The following PEPD variants were observed in gnomAD, a reference collection of about 807,000 sequenced individuals.
PEPD encodes the protein xaa-Pro dipeptidase.
In PEPD, 53 loss-of-function variants were observed where a neutral mutation model predicts 60.7. The observed-to-expected ratio is 0.87, with a 90% CI of 0.70 to 1.10. PEPD has a LOEUF of 1.10. Ranked by LOEUF, PEPD falls within the 50% of genes least tolerant of loss-of-function variation. The probability of loss-of-function intolerance (pLI) is 0.00; values close to 1 mark genes in which losing one functional copy is unlikely to be tolerated. For missense variants in PEPD, 711 were observed against 711.9 expected, an observed-to-expected ratio of 1.00 and a Z score of 0.01; for synonymous variants, 267 against 284.1, an observed-to-expected ratio of 0.94 and a Z score of 0.60.
At chr19:33,410,500 G>C (rs1968739014) in intron 11 of PEPD, among the ~76,000 whole-genome samples, 1 of 152,232 alleles carries the variant, frequency 6.6e-6, no homozygotes, top group Non-Finnish European at 1.5e-5. Flanking sequence ...GGGGACTCTG[G>C]GGGGTGGGCT....
intron 6 of PEPD, among the ~76,000 whole-genome samples, chr19:33,485,285 GGA>G (rs1464219311): frequency 6.6e-6 from 1 of 152,124 alleles, no homozygotes; most frequent in Non-Finnish European, 1.5e-5. Flanking sequence ...CCTAAGGTCA[GGA>G]GCTCGAGACC....
chr19:33,511,987 C>T (rs985984395), intron 2 of PEPD, among the ~76,000 whole-genome samples: 7 of 152,148 alleles, frequency 4.6e-5, no homozygotes, highest in African/African-American at 1.4e-4. Context: ...AGGGAAGCCA[C>T]GCCTTCCCAT....
Position 33,517,095 on chromosome 19 carries a change from C to T in PEPD, c.18-4319G>A, listed in dbSNP as rs529457409. Among the ~76,000 whole-genome samples, 12 of 152,254 alleles carry T rather than the reference C, an allele frequency of 7.9e-5. 1 individual carries two copies. Among genetic ancestry groups the T allele is most frequent in the Non-Finnish European group, 8.8e-5 (6 of 68,006 alleles). On this transcript the variant is annotated intron_variant, in intron 1 of 14. Coordinates refer to ENST00000244137, the MANE Select transcript of PEPD (RefSeq NM_000285.4). ...ACCCGGGAGGCTAAGGCAGGAGGAA[C>T]GCTTGAGCACTGGAGGCGGAGACTA...
chr19:33,441,884 GCA>G (rs1969485470), intron 9 of PEPD, among the ~76,000 whole-genome samples: 3 of 152,228 alleles, frequency 2.0e-5, no homozygotes, highest in Admixed American at 2.0e-4. Context: ...GAACTTCTCT[GCA>G]AGACAACTGT....
chr19:33,519,548 CACTT>C (rs1292254528), intron 1 of PEPD, among the ~76,000 whole-genome samples: 4 of 152,232 alleles, frequency 2.6e-5, no homozygotes, highest in Non-Finnish European at 5.9e-5. Flanking sequence ...GCGGGAAACA[CACTT>C]AATCATTCTG....
intron 6 of PEPD, among the ~76,000 whole-genome samples, chr19:33,480,944 T>C (rs1970303887): frequency 6.6e-6 from 1 of 152,100 alleles, no homozygotes; most frequent in Non-Finnish European, 1.5e-5. Flanking sequence ...ACACTTTATG[T>C]TAGGTCACAA....
chr19:33,470,749 T>C (rs1406979248), intron 7 of PEPD, among the ~76,000 whole-genome samples: 1 of 152,144 alleles, frequency 6.6e-6, no homozygotes, highest in African/African-American at 2.4e-5. Flanking sequence ...GATGGCCTCA[T>C]TTCAAAGAGA....
At chr19:33,453,387 T>A (rs1476755494) in intron 9 of PEPD, among the ~76,000 whole-genome samples, 1 of 152,036 alleles carries the variant, frequency 6.6e-6, no homozygotes. Context: ...TGGATGTCCA[T>A]CTGCTCCATG....
At chr19:33,460,155 C>G (rs895947635) in intron 9 of PEPD, among the ~76,000 whole-genome samples, 1 of 152,154 alleles carries the variant, frequency 6.6e-6, no homozygotes, top group Admixed American at 6.5e-5. Context: ...TCTCAAGTTC[C>G]CAGTGACACA....
chr19:33,519,806 C>T (rs536880976), intron 1 of PEPD, among the ~76,000 whole-genome samples: 2 of 152,318 alleles, frequency 1.3e-5, no homozygotes, highest in African/African-American at 4.8e-5. Flanking sequence ...TGGCTCACAC[C>T]TGTAATCCTA....
At chr19:33,462,079 C>T (rs1454862245) in intron 9 of PEPD, among the ~76,000 whole-genome samples, 1 of 152,262 alleles carries the variant, frequency 6.6e-6, no homozygotes, top group Non-Finnish European at 1.5e-5. Context: ...CTCGGCCCTG[C>T]ACCCCACTGA....
intron 9 of PEPD, among the ~76,000 whole-genome samples, chr19:33,421,115 G>A (rs1969008223): frequency 6.6e-6 from 1 of 152,188 alleles, no homozygotes; most frequent in African/African-American, 2.4e-5. Flanking sequence ...GAGCGTTCGG[G>A]TTGTTTCCAG....
intron 9 of PEPD, among the ~76,000 whole-genome samples, chr19:33,433,973 C>A (rs985574615): frequency 2.7e-5 from 3 of 110,124 alleles, no homozygotes; most frequent in Non-Finnish European, 5.4e-5. Flanking sequence ...GATGACATCT[C>A]ACAAACGTGC....
chr19:33,450,016 C>T (rs936851224), intron 9 of PEPD, among the ~76,000 whole-genome samples: 2 of 152,248 alleles, frequency 1.3e-5, no homozygotes, highest in Non-Finnish European at 2.9e-5. Context: ...GGCCTGTCCA[C>T]TGTGTGCAGA....
chr19:33,488,815 T>C (rs1260611807), intron 6 of PEPD, among the ~76,000 whole-genome samples: 1 of 152,128 alleles, frequency 6.6e-6, no homozygotes, highest in Non-Finnish European at 1.5e-5. Flanking sequence ...TACATAATTA[T>C]AAGGCGGTTC....
chr19:33,484,896 C>T, intron 6 of PEPD, among the ~76,000 whole-genome samples: 1 of 152,196 alleles, frequency 6.6e-6, no homozygotes, highest in East Asian at 1.9e-4. Context: ...TTTTTGCCTC[C>T]ATGCTGGTTA....
intron 9 of PEPD, among the ~76,000 whole-genome samples, chr19:33,444,208 G>A (rs904116956): frequency 3.3e-5 from 5 of 152,254 alleles, no homozygotes; most frequent in Non-Finnish European, 7.4e-5. Flanking sequence ...TGCAATAAGC[G>A]CATACACCAC....
chr19:33,456,967 T>C (rs551657700), intron 9 of PEPD, among the ~76,000 whole-genome samples: 12 of 151,464 alleles, frequency 7.9e-5, no homozygotes, highest in African/African-American at 2.9e-4. Flanking sequence ...CTGCATGCCC[T>C]GTGAGGGGCC....
At chr19:33,446,855 C>G (rs1420081059) in intron 9 of PEPD, among the ~76,000 whole-genome samples, 1 of 152,236 alleles carries the variant, frequency 6.6e-6, no homozygotes, top group African/African-American at 2.4e-5. Context: ...CCAGTCTCCA[C>G]AGCCATCAGC....
Sources: allele counts gnomAD v4.1 joint callset (sites outside exome capture counted in the v4.1 genomes callset), GRCh38; gene constraint gnomAD v4.1.1; transcripts MANE v1.5; gene names NCBI Gene and HGNC (gene_info 2026-07-23, HGNC 2026-07-21).